EIF3L: variants seen among roughly 807,000 people sequenced by gnomAD.
The protein encoded by EIF3L is eIEF associated protein HSPC021.
EIF3L carries 32 observed loss-of-function variants against 74.6 expected under a neutral mutation model. The observed-to-expected ratio is 0.43, with a 90% CI of 0.32 to 0.58. EIF3L has a LOEUF of 0.58. EIF3L is among the 20% of genes least tolerant of loss of function. EIF3L has a pLI of 0.06. For synonymous variants in EIF3L, 256 were observed against 254.4 expected, an observed-to-expected ratio of 1.01 and a Z score of -0.06; for missense variants, 474 against 707.8, an observed-to-expected ratio of 0.67 and a Z score of 3.75.
At position 37,875,893 on chromosome 22, in the gene EIF3L, G is replaced by A. The variant is rs371837127; in HGVS notation, c.959G>A (p.Gly320Glu). 2 of 1,613,874 alleles carry A rather than the reference G, an allele frequency of 1.2e-6. No homozygotes were observed. Among genetic ancestry groups the A allele is most frequent in the Non-Finnish European group, 1.7e-6 (2 of 1,180,018 alleles). Residue 320 changes from glycine (G) to glutamate (E), a missense_variant, in exon 10 of 13, where the codon GGG becomes GAG. Transcript: ENST00000652021. ...ECQVTTYYYVGFAYLMMRRYQ... is the reference protein window; with the variant it reads ...ECQVTTYYYVEFAYLMMRRYQ... ...CAGGTCACCACATACTATTATGTTG[G>A]GTTTGCATATTTGATGATGCGTCGT... is the stretch of plus-strand genomic sequence containing the variant.
chr22:37,885,241 C>T (rs1408878466), intron 11 of EIF3L: 1 of 151,894 alleles, frequency 6.6e-6, no homozygotes, highest in Non-Finnish European at 1.5e-5. Flanking sequence ...TTTCTCAATA[C>T]CTGACATATA....
intron 4 of EIF3L, among the ~76,000 whole-genome samples, chr22:37,856,221 C>T (rs964226602): frequency 2.0e-5 from 3 of 151,978 alleles, no homozygotes; most frequent in South Asian, 4.2e-4. Context: ...GGATTACAGG[C>T]GCCCGCCACC....
Position 37,874,530 on chromosome 22 carries a change from G to A in EIF3L, c.906+6G>A, listed in dbSNP as rs2145831223. 3 of 1,612,426 alleles carry A rather than the reference G, an allele frequency of 1.9e-6. No individual in the cohort carries two copies. The highest frequency in any genetic ancestry group is 2.5e-6 in the Non-Finnish European group (3 of 1,178,848). Reference sequence around the variant, plus strand: ...ACATCGAACTGAACAAGAAGGTGATGCCTATTGCCTCTGGCCCCTCTTGCC... The same window carrying A: ...ACATCGAACTGAACAAGAAGGTGATACCTATTGCCTCTGGCCCCTCTTGCC... On this transcript the variant is annotated splice_donor_region_variant and intron_variant, in intron 9 of 12. Transcript: ENST00000652021.
At chr22:37,866,037 T>G (rs1926131159) in intron 7 of EIF3L, among the ~76,000 whole-genome samples, 2 of 152,142 alleles carry the variant, frequency 1.3e-5, no homozygotes, top group Admixed American at 1.3e-4. Flanking sequence ...CCTGTTTTAT[T>G]TATTTGTTTT....
At chr22:37,874,298 T>G in intron 8 of EIF3L, 72 bp from the exon 9 acceptor site, 2 of 1,518,710 alleles carry the variant, frequency 1.3e-6, no homozygotes, top group Non-Finnish European at 1.8e-6. Flanking sequence ...GCCTACTGAG[T>G]AACATTCAGA....
In EIF3L at chr22:37,875,830, T is replaced by C. The variant is rs1926717356; in HGVS notation, c.907-11T>C. Reference sequence around the variant, plus strand: ...GGGACTCATGAATGTTTGTTCTACCTCCTTCTACAGAGTATGTATTCCCGT... The same window carrying C: ...GGGACTCATGAATGTTTGTTCTACCCCCTTCTACAGAGTATGTATTCCCGT... On this transcript the variant is annotated splice_polypyrimidine_tract_variant and intron_variant, in intron 9 of 12. Coordinates refer to ENST00000652021, the MANE Select transcript of EIF3L (RefSeq NM_016091.4). The C allele has an allele frequency of 1.2e-6, 2 of 1,609,398 alleles. No individual in the cohort carries two copies. Among genetic ancestry groups the C allele is most frequent in the South Asian group, 1.1e-5 (1 of 90,792 alleles).
Position 37,888,495 on chromosome 22 carries a change from T to G in EIF3L, c.*31T>G, listed in dbSNP as rs369395677. The G allele has an allele frequency of 2.5e-6, 4 of 1,611,412 alleles. No homozygotes were observed. The highest frequency in any genetic ancestry group is 2.5e-6 in the Non-Finnish European group (3 of 1,178,708). On this transcript the variant is annotated 3_prime_UTR_variant, in exon 13 of 13. Coordinates refer to ENST00000652021, the MANE Select transcript of EIF3L (RefSeq NM_016091.4). ...TTCACACACATTCAGGAACCTGTTTTGATGTATTATAGGCAGGAAGTGTTT... is the reference window on the plus strand; with the variant it reads ...TTCACACACATTCAGGAACCTGTTTGGATGTATTATAGGCAGGAAGTGTTT...
chr22:37,859,374 C>CTTGTTTTTTTTTTTTTTT (rs1925719351), intron 5 of EIF3L, among the ~76,000 whole-genome samples: 2 of 79,162 alleles, frequency 2.5e-5, no homozygotes, highest in Admixed American at 1.7e-4. Flanking sequence ...CGTGAAGTTT[C>CTTGTTTTTTTTTTTTTTT]TTTTTTTTTT....
At chr22:37,859,184 A>G (rs1925704792) in intron 5 of EIF3L, among the ~76,000 whole-genome samples, 1 of 151,510 alleles carries the variant, frequency 6.6e-6, no homozygotes, top group South Asian at 2.1e-4. Context: ...TCTACTATCA[A>G]TCGTGCAAAG....
intron 5 of EIF3L, among the ~76,000 whole-genome samples, chr22:37,860,893 C>A (rs539425074): frequency 3.5e-4 from 54 of 152,300 alleles, no homozygotes; most frequent in Admixed American, 2.6e-3. Context: ...ATCACACTTA[C>A]TAATTCCAGG....
intron 12 of EIF3L, chr22:37,887,094 A>G (rs1465920844): frequency 3.1e-6 from 1 of 327,468 alleles, no homozygotes; most frequent in African/African-American, 2.2e-5. Flanking sequence ...ACACCCAGCT[A>G]ATTTTTGTAT....
intron 3 of EIF3L, among the ~76,000 whole-genome samples, chr22:37,854,921 G>A (rs992428799): frequency 1.3e-5 from 2 of 152,140 alleles, no homozygotes; most frequent in Non-Finnish European, 2.9e-5. Flanking sequence ...GATTACAGGC[G>A]TGAGCCATCA....
intron 7 of EIF3L, among the ~76,000 whole-genome samples, chr22:37,866,951 A>G (rs1035195218): frequency 6.6e-6 from 1 of 152,220 alleles, no homozygotes; most frequent in African/African-American, 2.4e-5. Flanking sequence ...ACTTTGAATT[A>G]TAATAAATAG....
chr22:37,868,659 T>TTTTTTTTG (rs1926307359), intron 7 of EIF3L, among the ~76,000 whole-genome samples: 27 of 114,428 alleles, frequency 2.4e-4, no homozygotes, highest in Non-Finnish European at 3.5e-4. Context: ...TTTTTTTTTT[T>TTTTTTTTG]GAGACGGAGT....
At chr22:37,857,158 G>A (rs1481372355) in intron 4 of EIF3L, among the ~76,000 whole-genome samples, 1 of 151,852 alleles carries the variant, frequency 6.6e-6, no homozygotes, top group Admixed American at 6.6e-5. Flanking sequence ...TCAGGAGATC[G>A]AGACCATCCT....
intron 8 of EIF3L, among the ~76,000 whole-genome samples, chr22:37,872,072 G>A (rs895931403): frequency 6.6e-6 from 1 of 151,528 alleles, no homozygotes; most frequent in African/African-American, 2.4e-5. Flanking sequence ...TTTTGTTAAC[G>A]TTATTCGTCA....
At chr22:37,854,622 C>T (rs1260765677) in intron 3 of EIF3L, among the ~76,000 whole-genome samples, 2 of 152,216 alleles carry the variant, frequency 1.3e-5, no homozygotes, top group African/African-American at 2.4e-5. Context: ...TGTGCACCAC[C>T]ATGCCTGGCT....
intron 5 of EIF3L, among the ~76,000 whole-genome samples, chr22:37,859,576 G>A (rs1227495936): frequency 6.6e-6 from 1 of 151,150 alleles, no homozygotes; most frequent in Admixed American, 6.6e-5. Flanking sequence ...TAGAGACGGG[G>A]TTTCACTGTG....
At chr22:37,865,226 G>A (rs531714837) in intron 7 of EIF3L, among the ~76,000 whole-genome samples, 8 of 152,182 alleles carry the variant, frequency 5.3e-5, no homozygotes, top group African/African-American at 1.7e-4. Flanking sequence ...AACACTTTGG[G>A]AGGCCTAGGT....
Sources: allele counts gnomAD v4.1 joint callset (sites outside exome capture counted in the v4.1 genomes callset), GRCh38; gene constraint gnomAD v4.1.1; transcripts MANE v1.5; gene names NCBI Gene and HGNC (gene_info 2026-07-23, HGNC 2026-07-21).